Variants in SYT17 observed in about 807,000 individuals in gnomAD.
SYT17 encodes the protein synaptotagmin-17.
A neutral mutation model predicts 46.7 loss-of-function variants in SYT17; 22 were observed. The observed-to-expected ratio is 0.47, with a 90% CI of 0.34 to 0.67. The LOEUF (loss-of-function observed/expected upper bound fraction) is 0.67, where lower values mean the gene tolerates loss of function less well. SYT17 is among the 30% of genes least tolerant of loss of function. SYT17 has a pLI of 0.01. For synonymous variants in SYT17, 251 were observed against 248.4 expected (o/e 1.01, Z -0.10); for missense variants, 519 against 612.8 (o/e 0.85, Z 1.62).
Position 19,266,888 on chromosome 16 carries a change from C to T in SYT17, c.1237C>T (p.His413Tyr), listed in dbSNP as rs148976505. ...ACCCTCTGGCTCCCTAGTTTTCGGC[C>T]ACAACATGAAGAGCAGCAATGACTT... ...NASLVFTVFGHNMKSSNDFIG... is the reference protein window; with the variant it reads ...NASLVFTVFGYNMKSSNDFIG... Residue 413 changes from histidine to tyrosine, a missense_variant, in exon 8 of 8, where the codon CAC becomes TAC. Transcript: ENST00000355377. 41 of 1,612,636 alleles carry T rather than the reference C, an allele frequency of 2.5e-5. No homozygotes were observed. In the African/African-American group the frequency reaches 4.1e-4, roughly 16 times the overall value.
chr16:19,221,320 A>G (rs529615221), intron 5 of SYT17, among the ~76,000 whole-genome samples: 1 of 152,252 alleles, frequency 6.6e-6, no homozygotes, highest in South Asian at 2.1e-4. Flanking sequence ...GAGCCTGACT[A>G]AAGTTTGGTC....
chr16:19,188,513 C>CAAAAAAAAAAAAAAAA (rs61202540), intron 5 of SYT17, among the ~76,000 whole-genome samples: 118 of 64,492 alleles, frequency 1.8e-3, no homozygotes, highest in East Asian at 3.5e-3. Flanking sequence ...TTCAGTTCTG[C>CAAAAAAAAAAAAAAAA]AAAAAAAAAA....
At chr16:19,252,382 T>C (rs1179700026) in intron 7 of SYT17, among the ~76,000 whole-genome samples, 1 of 17,976 alleles carries the variant, frequency 5.6e-5, no homozygotes, top group Non-Finnish European at 8.3e-5. Context: ...TATATATACA[T>C]ATATATATAT....
At chr16:19,184,583 G>A (rs1322843639) in intron 5 of SYT17, among the ~76,000 whole-genome samples, 1 of 150,746 alleles carries the variant, frequency 6.6e-6, no homozygotes, top group Non-Finnish European at 1.5e-5. Flanking sequence ...TTTTAGTAGA[G>A]ATGAGGTTTT....
chr16:19,178,152 C>T (rs902623138), intron 3 of SYT17, among the ~76,000 whole-genome samples: 8 of 151,558 alleles, frequency 5.3e-5, no homozygotes, highest in South Asian at 2.1e-4. Flanking sequence ...GGTGCAATCT[C>T]GCTCACTGCA....
intron 5 of SYT17, among the ~76,000 whole-genome samples, chr16:19,189,302 C>T (rs1964917837): frequency 6.6e-6 from 1 of 151,148 alleles, no homozygotes; most frequent in Admixed American, 6.6e-5. Context: ...AATAAGGTCC[C>T]ATTCTGAGAT....
chr16:19,204,512 G>A (rs1965591621), intron 5 of SYT17, among the ~76,000 whole-genome samples: 1 of 152,066 alleles, frequency 6.6e-6, no homozygotes, highest in African/African-American at 2.4e-5. Flanking sequence ...GACAGGAGGA[G>A]CAGGTGAGGA....
rs1453518640 is a variant in SYT17, at chr16:19,253,761, C to G, written c.1229-13119C>G. Among the ~76,000 whole-genome samples the G allele has an allele frequency of 2.6e-5, 4 of 152,128 alleles. No individual in the cohort carries two copies. In the East Asian group the frequency reaches 7.7e-4, roughly 29 times the overall value. The stretch of plus-strand genomic sequence containing the variant: ...TTTCTTCTTGAGACGGAGTTTCACT[C>G]TTGTTGCCCAGGCTGGAGTACAGTG... On this transcript the variant is annotated intron_variant, in intron 7 of 7. Coordinates refer to ENST00000355377, the MANE Select transcript of SYT17 (RefSeq NM_016524.4).
At chr16:19,170,241 A>C (rs1021992452) in intron 1 of SYT17, 25 of 152,102 alleles carry the variant, frequency 1.6e-4, no homozygotes, top group African/African-American at 5.8e-4. Context: ...TGTTCCAATA[A>C]AACTTTATTT....
intron 7 of SYT17, among the ~76,000 whole-genome samples, chr16:19,245,422 G>C (rs931319716): frequency 6.6e-6 from 1 of 152,166 alleles, no homozygotes; most frequent in African/African-American, 2.4e-5. Context: ...ATGGGATTCT[G>C]TGGGTCCCCT....
At chr16:19,205,701 T>C (rs958286652) in intron 5 of SYT17, among the ~76,000 whole-genome samples, 3 of 152,182 alleles carry the variant, frequency 2.0e-5, no homozygotes, top group African/African-American at 4.8e-5. Context: ...AGGCTGGTCT[T>C]GAACTCCTGA....
intron 7 of SYT17, among the ~76,000 whole-genome samples, chr16:19,239,240 G>A (rs1966909903): frequency 6.6e-6 from 1 of 151,884 alleles, no homozygotes; most frequent in Non-Finnish European, 1.5e-5. Flanking sequence ...TCATACCACT[G>A]CACTCCAGCC....
At chr16:19,194,537 T>C (rs1005127694) in intron 5 of SYT17, among the ~76,000 whole-genome samples, 12 of 152,228 alleles carry the variant, frequency 7.9e-5, no homozygotes, top group African/African-American at 2.9e-4. Context: ...GGCCAGCCCC[T>C]GGGGCAGAGT....
chr16:19,171,644 CTTAAT>C (rs1438812575), intron 1 of SYT17: 1 of 152,124 alleles, frequency 6.6e-6, no homozygotes, highest in Non-Finnish European at 1.5e-5. Flanking sequence ...CTATTATTAA[CTTAAT>C]TTTTTTTCTA....
rs1966218248 is a variant in SYT17 at position 19,219,425 on chromosome 16, AAAAAAAAAAAAAAAAAAAAAAT to A, written c.952-3617_952-3596del. Among the ~76,000 whole-genome samples, 4 of 141,800 alleles carry A rather than the reference AAAAAAAAAAAAAAAAAAAAAAT, an allele frequency of 2.8e-5. 2 individuals are homozygous for A. The highest frequency in any genetic ancestry group is 6.1e-5 in the Non-Finnish European group (4 of 65,792). 93.0% of individuals were successfully genotyped at this position (141,800 alleles called of 152,430 possible). A position where few individuals can be genotyped will look rare whatever the true frequency, so the allele number is the denominator to read the frequency against. On this transcript the variant is annotated intron_variant, in intron 5 of 7. Transcript: ENST00000355377. ...CTCCGTCTCAAAAAAAAAAAAAAAAAAAAAAAAAAAAAAAAAAAAAATAATAATAATAATAATAATAAAACAA... is the reference window on the plus strand; with the variant it reads ...CTCCGTCTCAAAAAAAAAAAAAAAAAAATAATAATAATAATAATAAAACAA...
intron 5 of SYT17, among the ~76,000 whole-genome samples, chr16:19,201,668 G>A (rs1459659918): frequency 1.8e-5 from 2 of 109,028 alleles, no homozygotes; most frequent in Admixed American, 9.0e-5. Flanking sequence ...GGATGCCCCT[G>A]CTTAAAAAAA....
At chr16:19,220,764 G>A (rs1323726062) in intron 5 of SYT17, among the ~76,000 whole-genome samples, 1 of 152,164 alleles carries the variant, frequency 6.6e-6, no homozygotes, top group Non-Finnish European at 1.5e-5. Flanking sequence ...CAAAGTCGGG[G>A]GTCAGGGATT....
At chr16:19,231,640 G>A (rs1028931591) in intron 7 of SYT17, among the ~76,000 whole-genome samples, 1 of 151,992 alleles carries the variant, frequency 6.6e-6, no homozygotes, top group Non-Finnish European at 1.5e-5. Context: ...GGGAAGGCAG[G>A]TGGAGGAACT....
Position 19,208,925 on chromosome 16 carries a change from C to T in SYT17, c.952-14120C>T, listed in dbSNP as rs373403815. Among the ~76,000 whole-genome samples, 426 of 107,846 alleles carry T rather than the reference C, an allele frequency of 4.0e-3. 9 individuals are homozygous for T. The highest frequency in any genetic ancestry group is 0.03 in the Middle Eastern group (3 of 100). 70.8% of individuals were successfully genotyped at this position (107,846 alleles called of 152,430 possible). A position where few individuals can be genotyped will look rare whatever the true frequency, so the allele number is the denominator to read the frequency against. ...TTTTTTTTTTTGAGACAGAGTCTCG[C>T]GCTGTCACCCAGGCTGGAGTGCAGT... On this transcript the variant is annotated intron_variant, in intron 5 of 7. Transcript: ENST00000355377.
Sources: allele counts gnomAD v4.1 joint callset (sites outside exome capture counted in the v4.1 genomes callset), GRCh38; gene constraint gnomAD v4.1.1; transcripts MANE v1.5; gene names NCBI Gene and HGNC (gene_info 2026-07-23, HGNC 2026-07-21).